Variants in SLC6A5 observed in about 807,000 individuals in gnomAD.
The protein encoded by SLC6A5 is sodium- and chloride-dependent glycine transporter 2.
In SLC6A5, 58 loss-of-function variants were observed where a neutral mutation model predicts 90.5. That is an observed-to-expected ratio of 0.64 (90% confidence interval 0.52 to 0.80). SLC6A5 has a LOEUF of 0.80. Ranked by LOEUF, SLC6A5 falls within the 30% of genes least tolerant of loss-of-function variation. The pLI is 0.00. For synonymous variants in SLC6A5, 427 were observed against 401.4 expected, an observed-to-expected ratio of 1.06 and a Z score of -0.76; for missense variants, 1,015 against 1,017.6, an observed-to-expected ratio of 1.00 and a Z score of 0.03.
rs1565277070 is a variant in SLC6A5, at chr11:20,617,830, G to T, written c.1206G>T (p.Leu402=). 6.2e-7 allele frequency: 1 copy of T among 1,614,084 alleles called. No individual in the cohort carries two copies. The highest frequency in any genetic ancestry group is 8.5e-7 in the Non-Finnish European group (1 of 1,179,962). ...GGCCACTAGCTCTCTGCCTCTTCCT[G>T]GCTTGGGTCATTGTGTATGCATCAT... is the stretch of plus-strand genomic sequence containing the variant. ...IRWPLALCLF[L]AWVIVYASLA... is the part of the protein sequence containing the mutation. Residue 402 remains leucine, a synonymous_variant, in exon 7 of 16, where the codon CTG becomes CTT. Transcript: ENST00000525748.
chr11:20,624,645 C>T (rs1852957280), intron 7 of SLC6A5, among the ~76,000 whole-genome samples: 1 of 152,280 alleles, frequency 6.6e-6, no homozygotes, highest in South Asian at 2.1e-4. Flanking sequence ...ATTCCAGTTG[C>T]CCTCAGAGGA....
intron 10 of SLC6A5, among the ~76,000 whole-genome samples, chr11:20,634,022 C>T (rs1853157159): frequency 6.6e-6 from 1 of 152,164 alleles, no homozygotes; most frequent in African/African-American, 2.4e-5. Flanking sequence ...CAGGCGCCCC[C>T]CACTACGCCC....
At position 20,638,559 on chromosome 11, in the gene SLC6A5, G is replaced by C. The variant is rs373223627; in HGVS notation, c.1969+1G>C. 6.4e-7 allele frequency: 1 copy of C among 1,574,694 alleles called. No homozygotes were observed. Among genetic ancestry groups the C allele is most frequent in the South Asian group, 1.1e-5 (1 of 90,284 alleles). ...CTCGTGGGGATCTCTTATGTGTATG[G>C]TAAGGAAATCACTGTGCCTGTTGCT... On this transcript the variant is annotated splice_donor_variant, in intron 13 of 15. Transcript: ENST00000525748. LOFTEE classifies it high-confidence loss of function.
intron 8 of SLC6A5, among the ~76,000 whole-genome samples, chr11:20,627,091 C>T (rs942467623): frequency 6.6e-6 from 1 of 152,146 alleles, no homozygotes; most frequent in Non-Finnish European, 1.5e-5. Context: ...AATGAAATCC[C>T]CTTAATAGCT....
chr11:20,642,782 G>A (rs1253183660), intron 13 of SLC6A5, among the ~76,000 whole-genome samples: 1 of 152,208 alleles, frequency 6.6e-6, no homozygotes, highest in African/African-American at 2.4e-5. Context: ...GCCAGGGCCT[G>A]GGTGCTGGGA....
chr11:20,638,200 G>A (rs1853246276), intron 12 of SLC6A5, among the ~76,000 whole-genome samples: 1 of 152,196 alleles, frequency 6.6e-6, no homozygotes, highest in African/African-American at 2.4e-5. Flanking sequence ...TCAAGAATAA[G>A]ATGTTAAATC....
intron 3 of SLC6A5, among the ~76,000 whole-genome samples, chr11:20,604,758 C>A (rs1463657257): frequency 6.6e-6 from 1 of 152,076 alleles, no homozygotes; most frequent in South Asian, 2.1e-4. Flanking sequence ...GGCGGCACTC[C>A]GGGCATCCAA....
chr11:20,648,513 T>C (rs187051033), intron 14 of SLC6A5, among the ~76,000 whole-genome samples: 184 of 152,148 alleles, frequency 1.2e-3, no homozygotes, highest in African/African-American at 4.3e-3. Context: ...GGCATGAGAG[T>C]TGAAAAGGGT....
intron 3 of SLC6A5, among the ~76,000 whole-genome samples, chr11:20,605,390 G>T (rs910271212): frequency 1.3e-5 from 2 of 152,184 alleles, no homozygotes; most frequent in Non-Finnish European, 2.9e-5. Flanking sequence ...CGGTTAAAGC[G>T]CAAAACATAG....
intron 7 of SLC6A5, among the ~76,000 whole-genome samples, chr11:20,622,718 A>T (rs1453214828): frequency 6.6e-6 from 1 of 152,120 alleles, no homozygotes; most frequent in Non-Finnish European, 1.5e-5. Flanking sequence ...CTGTCTCTTA[A>T]ACTCATGCCA....
In SLC6A5 at chr11:20,600,399, G is replaced by GAAGAAGAAGAAGAAGAAGAA. The variant is rs1182102601; in HGVS notation, c.4-717_4-716insAGAAGAAAAGAAGAAGAAGA. Among the ~76,000 whole-genome samples, 337 of 139,142 alleles carry GAAGAAGAAGAAGAAGAAGAA rather than the reference G, an allele frequency of 2.4e-3. 6 individuals carry two copies. The highest frequency in any genetic ancestry group is 8.2e-3 in the African/African-American group (308 of 37,728). The allele number at this position is 139,142 out of a possible 152,430, so 91.3% of individuals were successfully genotyped here. A position where few individuals can be genotyped will look rare whatever the true frequency, so the allele number is the denominator to read the frequency against. On this transcript the variant is annotated intron_variant, in intron 1 of 15. Coordinates refer to ENST00000525748, the MANE Select transcript of SLC6A5 (RefSeq NM_004211.5). The stretch of plus-strand genomic sequence containing the variant: ...AGAAGAAGAAGAAGAAGAAGAAGAA[G>GAAGAAGAAGAAGAAGAAGAA]AAGAAGAAGAAGACCTAAACAAAAG...
At chr11:20,607,748 T>C in intron 5 of SLC6A5, 96 bp downstream of exon 5, 3 of 947,856 alleles carry the variant, frequency 3.2e-6, no homozygotes, top group Admixed American at 1.8e-5. Context: ...CTAGGACCTA[T>C]ACTAGGTTCT....
chr11:20,601,361 C>T lies in SLC6A5; in HGVS notation c.236C>T (p.Ser79Phe), dbSNP rs763412704. Residue 79 changes from serine to phenylalanine, a missense_variant, in exon 2 of 16, where the codon TCT (serine) becomes TTT (phenylalanine). This residue lies in a region of SLC6A5 where 567 missense variants were observed against 507.3 expected (regional missense o/e 1.12). Coordinates refer to ENST00000525748, the MANE Select transcript of SLC6A5 (RefSeq NM_004211.5). ...GAGGCTGAGCGGCCAGGAGTGGGGT[C>T]TTGCAAACTCAGTAGCCCGCGGGCG... ...ACEAERPGVGSCKLSSPRAQA... is the reference protein window; with the variant it reads ...ACEAERPGVGFCKLSSPRAQA... The T allele has an allele frequency of 1.8e-5, 29 of 1,601,800 alleles. No individual in the cohort carries two copies. Among genetic ancestry groups the T allele is most frequent in the Admixed American group, 3.4e-5 (2 of 58,886 alleles).
intron 7 of SLC6A5, among the ~76,000 whole-genome samples, chr11:20,623,933 C>T (rs1852940802): frequency 6.6e-6 from 1 of 152,022 alleles, no homozygotes; most frequent in Admixed American, 6.6e-5. Context: ...CACATATCAC[C>T]TTCTAATATG....
intron 14 of SLC6A5, among the ~76,000 whole-genome samples, chr11:20,649,629 T>G (rs769325331): frequency 4.6e-5 from 7 of 152,240 alleles, no homozygotes; most frequent in Non-Finnish European, 7.3e-5. Context: ...ATTATGGGTT[T>G]AAATTACTTT....
intron 10 of SLC6A5, among the ~76,000 whole-genome samples, chr11:20,632,840 A>G (rs1322009779): frequency 6.6e-6 from 1 of 152,220 alleles, no homozygotes; most frequent in Non-Finnish European, 1.5e-5. Flanking sequence ...AACTTTGGTA[A>G]CTAAGTTTTG....
Position 20,646,888 on chromosome 11 carries a change from T to C in SLC6A5, c.2024T>C (p.Ile675Thr), listed in dbSNP as rs1213786592. 1.2e-6 allele frequency: 2 copies of C among 1,613,966 alleles called. No individual in the cohort carries two copies. The highest frequency in any genetic ancestry group is 1.7e-6 in the Non-Finnish European group (2 of 1,179,908). Reference protein sequence around the residue: ...IEMMIGFQPNIFWKVCWAFVT... With the variant: ...IEMMIGFQPNTFWKVCWAFVT... The stretch of plus-strand genomic sequence containing the variant: ...ATGATGATTGGATTCCAGCCTAACA[T>C]CTTCTGGAAAGTCTGCTGGGCATTT... Residue 675 changes from isoleucine to threonine, a missense_variant, in exon 14 of 16, where the codon ATC becomes ACC. By Grantham distance (89) the Ile-to-Thr change is moderately conservative (BLOSUM62 -1). Coordinates refer to ENST00000525748, the MANE Select transcript of SLC6A5 (RefSeq NM_004211.5).
At chr11:20,599,798 G>T in intron 1 of SLC6A5, 123 bp downstream of exon 1, 1 of 1,137,818 alleles carries the variant, frequency 8.8e-7, no homozygotes, top group Non-Finnish European at 1.3e-6. Context: ...GGGGCGACGA[G>T]GAGAACAATT....
intron 12 of SLC6A5, 63 bp from the exon 13 acceptor site, chr11:20,638,396 C>A: frequency 1.0e-6 from 1 of 994,452 alleles, no homozygotes; most frequent in Non-Finnish European, 1.6e-6. Flanking sequence ...GGCTGTTAAA[C>A]GTGGGAAGAG....
Sources: allele counts gnomAD v4.1 joint callset (sites outside exome capture counted in the v4.1 genomes callset), GRCh38; gene constraint gnomAD v4.1.1; regional missense constraint gnomAD v4.1.1; transcripts MANE v1.5; gene names NCBI Gene and HGNC (gene_info 2026-07-23, HGNC 2026-07-21).